The following RPTOR variants were observed in gnomAD, a reference collection of about 807,000 sequenced individuals.
The protein encoded by RPTOR is regulatory-associated protein of mTOR.
A neutral mutation model predicts 169.9 loss-of-function variants in RPTOR; 21 were observed. That is an observed-to-expected ratio of 0.12 (90% confidence interval 0.09 to 0.18). RPTOR has a LOEUF of 0.18. Among genes scored for constraint, RPTOR ranks in the 10% least tolerant of loss-of-function variants. The pLI is 1.00. For synonymous variants in RPTOR, 732 were observed against 753.2 expected (o/e 0.97, Z 0.46); for missense variants, 1,133 against 1,855.9 (o/e 0.61, Z 7.16).
chr17:80,748,081 G>A (rs1008247865), intron 5 of RPTOR, among the ~76,000 whole-genome samples: 1 of 114,108 alleles, frequency 8.8e-6, no homozygotes, highest in East Asian at 2.6e-4. Context: ...GGACTGCGGT[G>A]TGTGTTTAGA....
At chr17:80,813,891 T>G (rs929969417) in intron 7 of RPTOR, among the ~76,000 whole-genome samples, 8 of 152,226 alleles carry the variant, frequency 5.3e-5, no homozygotes, top group African/African-American at 1.9e-4. Flanking sequence ...CCCAGCAGTT[T>G]GGGAGGCCGA....
intron 25 of RPTOR, among the ~76,000 whole-genome samples, chr17:80,944,956 A>T (rs2069080720): frequency 6.7e-6 from 1 of 149,652 alleles, no homozygotes; most frequent in Non-Finnish European, 1.5e-5. Context: ...ACACCACTGC[A>T]CTTCAGCCTG....
rs932927362 is a variant in RPTOR, at chr17:80,786,680, G to A, written c.831-4770G>A. On this transcript the variant is annotated intron_variant, in intron 6 of 33. Coordinates refer to ENST00000306801, the MANE Select transcript of RPTOR (RefSeq NM_020761.3). ...GGTCTGCCTTGCTTGAGCCCAGTTC[G>A]AACAGTTGGCTGCCTGTGGTAGTCT... 3.3e-5 allele frequency among the ~76,000 whole-genome samples: 5 copies of A among 152,322 alleles called. No individual in the cohort carries two copies. In the East Asian group the frequency reaches 5.8e-4, roughly 18 times the overall value.
At chr17:80,649,610 A>C (rs573576321) in intron 3 of RPTOR, among the ~76,000 whole-genome samples, 50 of 152,218 alleles carry the variant, frequency 3.3e-4, no homozygotes, top group African/African-American at 1.2e-3. Context: ...GTACTCATTA[A>C]ATTTGCAGGA....
intron 1 of RPTOR, among the ~76,000 whole-genome samples, chr17:80,548,522 C>A (rs2084307028): frequency 1.3e-5 from 2 of 151,904 alleles, no homozygotes; most frequent in Non-Finnish European, 2.9e-5. Flanking sequence ...GCTGGGATTA[C>A]AGGCGCCTGG....
At chr17:80,600,681 C>T (rs1357777415) in intron 1 of RPTOR, among the ~76,000 whole-genome samples, 3 of 152,122 alleles carry the variant, frequency 2.0e-5, no homozygotes, top group African/African-American at 7.2e-5. Flanking sequence ...CTCAGCTGGG[C>T]AGGGTTTAGG....
In RPTOR at chr17:80,583,182, G is replaced by GTTTTTTTTTTT. The variant is rs1166711662; in HGVS notation, c.162+37405_162+37415dup. On this transcript the variant is annotated intron_variant, in intron 1 of 33. Transcript: ENST00000306801. ...GGTCCCTGTCCACTGCCTCTTTCCTGTTTTTTTTTTTTTTTTTTTTTTTTG... is the reference window on the plus strand; with the variant it reads ...GGTCCCTGTCCACTGCCTCTTTCCTGTTTTTTTTTTTTTTTTTTTTTTTTTTTTTTTTTTTG... Among the ~76,000 whole-genome samples the GTTTTTTTTTTT allele has an allele frequency of 1.6e-3, 123 of 79,266 alleles. 11 individuals are homozygous for GTTTTTTTTTTT. Among genetic ancestry groups the GTTTTTTTTTTT allele is most frequent in the Middle Eastern group, 0.011 (1 of 92 alleles). The allele number at this position is 79,266 out of a possible 152,430, so 52.0% of individuals were successfully genotyped here. A position where few individuals can be genotyped will look rare whatever the true frequency, so the allele number is the denominator to read the frequency against.
intron 1 of RPTOR, among the ~76,000 whole-genome samples, chr17:80,592,609 T>C (rs1271904535): frequency 6.6e-6 from 1 of 152,250 alleles, no homozygotes; most frequent in East Asian, 1.9e-4. Flanking sequence ...TGGAGCTTTG[T>C]AATTTTCACT....
At chr17:80,852,697 C>T (rs1208690467) in intron 11 of RPTOR, among the ~76,000 whole-genome samples, 4 of 152,098 alleles carry the variant, frequency 2.6e-5, no homozygotes, top group African/African-American at 9.7e-5. Context: ...CTCTTGCTGC[C>T]ACCTGTGACC....
chr17:80,851,269 T>C (rs2067790874), intron 11 of RPTOR, among the ~76,000 whole-genome samples: 2 of 152,144 alleles, frequency 1.3e-5, no homozygotes, highest in Non-Finnish European at 2.9e-5. Context: ...AGGTGGAAAA[T>C]AAATCTCAGT....
At chr17:80,792,670 C>T (rs190390078) in intron 7 of RPTOR, among the ~76,000 whole-genome samples, 196 of 152,082 alleles carry the variant, frequency 1.3e-3, no homozygotes, top group African/African-American at 4.4e-3. Flanking sequence ...AGAAGCATCA[C>T]GTGGAAAATA....
chr17:80,616,770 A>G (rs2065314426), intron 1 of RPTOR, among the ~76,000 whole-genome samples: 1 of 152,146 alleles, frequency 6.6e-6, no homozygotes, highest in Non-Finnish European at 1.5e-5. Context: ...GGAGAAAAAA[A>G]AAATATTAGA....
At chr17:80,948,266 C>T (rs1040336460) in intron 27 of RPTOR, among the ~76,000 whole-genome samples, 3 of 152,240 alleles carry the variant, frequency 2.0e-5, no homozygotes, top group Admixed American at 1.3e-4. Flanking sequence ...AACGCGGTTG[C>T]GGGCTCCTGG....
chr17:80,560,156 G>A (rs562293001), intron 1 of RPTOR, among the ~76,000 whole-genome samples: 2 of 152,298 alleles, frequency 1.3e-5, no homozygotes, highest in African/African-American at 4.8e-5. Context: ...ACAAGGTAGC[G>A]ATTTCAGGAA....
rs372419436 is a variant in RPTOR, at chr17:80,588,328, A to G, written c.163-37363A>G. The stretch of plus-strand genomic sequence containing the variant: ...CAGGTGTTCACCACCACGCCTGGCT[A>G]ATTTTTGTATTTTTAGTAGAGATGG... On this transcript the variant is annotated intron_variant, in intron 1 of 33. Coordinates refer to ENST00000306801, the MANE Select transcript of RPTOR (RefSeq NM_020761.3). Among the ~76,000 whole-genome samples, 3 of 151,912 alleles carry G rather than the reference A, an allele frequency of 2.0e-5. No individual in the cohort carries two copies. The East Asian group carries it at 5.8e-4, about 29-fold the overall frequency.
chr17:80,896,359 C>CGGCCGCGCCG (rs1164374370), intron 20 of RPTOR, among the ~76,000 whole-genome samples: 1 of 150,286 alleles, frequency 6.7e-6, no homozygotes, highest in East Asian at 2.0e-4. Context: ...ACACCCCACA[C>CGGCCGCGCCG]AGCCGCCCCG....
chr17:80,550,468 A>G (rs991462582), intron 1 of RPTOR, among the ~76,000 whole-genome samples: 3 of 152,170 alleles, frequency 2.0e-5, no homozygotes, highest in Non-Finnish European at 4.4e-5. Flanking sequence ...CCTCCCTAGC[A>G]GATCTCATCG....
chr17:80,719,521 G>A (rs545861249), intron 4 of RPTOR, among the ~76,000 whole-genome samples: 2 of 152,310 alleles, frequency 1.3e-5, no homozygotes, highest in South Asian at 2.1e-4. Context: ...TAAGGGCACA[G>A]CCTTCCTTTA....
intron 14 of RPTOR, among the ~76,000 whole-genome samples, chr17:80,882,359 A>G (rs1394803671): frequency 6.6e-6 from 1 of 152,278 alleles, no homozygotes; most frequent in Non-Finnish European, 1.5e-5. Context: ...TAGACGCATC[A>G]TAATGAAAAC....
Sources: gnomAD v4.1 joint callset for allele counts (sites outside exome capture counted in the v4.1 genomes callset) on GRCh38, gnomAD v4.1.1 for gene constraint, MANE v1.5 for transcripts, NCBI Gene and HGNC (gene_info 2026-07-23, HGNC 2026-07-21) for gene names.